The following CACNA2D1 variants were observed in gnomAD, a reference collection of about 807,000 sequenced individuals.
The protein encoded by CACNA2D1 is voltage-dependent calcium channel subunit alpha-2/delta-1.
In CACNA2D1, 53 loss-of-function variants were observed where a neutral mutation model predicts 171.5. The observed-to-expected ratio is 0.31, with a 90% CI of 0.25 to 0.39. The LOEUF is 0.39. Ranked by LOEUF, CACNA2D1 falls within the 10% of genes least tolerant of loss-of-function variation. The pLI, the probability that CACNA2D1 is intolerant of heterozygous loss-of-function variation, is 1.00. For synonymous variants in CACNA2D1, 442 were observed against 443.1 expected, an observed-to-expected ratio of 1.00 and a Z score of 0.03; for missense variants, 903 against 1,299.8, an observed-to-expected ratio of 0.69 and a Z score of 4.69.
intron 11 of CACNA2D1, among the ~76,000 whole-genome samples, chr7:82,033,615 C>T (rs960791962): frequency 2.0e-5 from 3 of 151,962 alleles, no homozygotes; most frequent in South Asian, 2.1e-4. Context: ...AATGCTGATA[C>T]CTATTCCCAG....
intron 20 of CACNA2D1, among the ~76,000 whole-genome samples, chr7:81,993,097 TA>T (rs1452864736): frequency 6.6e-6 from 1 of 152,210 alleles, no homozygotes; most frequent in Non-Finnish European, 1.5e-5. Flanking sequence ...ATATGTGCAT[TA>T]AAAATTTGAT....
At chr7:82,182,893 C>T (rs1285671806) in intron 3 of CACNA2D1, among the ~76,000 whole-genome samples, 1 of 151,760 alleles carries the variant, frequency 6.6e-6, no homozygotes, top group East Asian at 1.9e-4. Flanking sequence ...GAAAATTAGC[C>T]GGGTATGGTG....
At chr7:82,212,284 C>G (rs554568830) in intron 3 of CACNA2D1, among the ~76,000 whole-genome samples, 20 of 152,162 alleles carry the variant, frequency 1.3e-4, no homozygotes, top group Non-Finnish European at 2.8e-4. Context: ...GAATTTCAGA[C>G]ATAAAATGAA....
intron 6 of CACNA2D1, among the ~76,000 whole-genome samples, chr7:82,096,634 G>GTTA (rs1308004522): frequency 9.3e-6 from 1 of 107,792 alleles, no homozygotes; most frequent in African/African-American, 3.4e-5. Flanking sequence ...TCAACATGAT[G>GTTA]GTATGATCTA....
intron 3 of CACNA2D1, among the ~76,000 whole-genome samples, chr7:82,322,001 CT>C (rs1266711007): frequency 6.7e-6 from 1 of 149,318 alleles, no homozygotes; most frequent in African/African-American, 2.4e-5. Context: ...TGGCGGGCGC[CT>C]GTAGTCCCAG....
chr7:82,079,216 A>T (rs1159289577), intron 7 of CACNA2D1, among the ~76,000 whole-genome samples: 1 of 152,202 alleles, frequency 6.6e-6, no homozygotes, highest in African/African-American at 2.4e-5. Flanking sequence ...TATGCTCCAA[A>T]CAGATTTAAT....
chr7:82,434,263 G>A (rs980204771), intron 1 of CACNA2D1, among the ~76,000 whole-genome samples: 8 of 152,160 alleles, frequency 5.3e-5, no homozygotes, highest in Non-Finnish European at 8.8e-5. Context: ...TTCTCTTTTT[G>A]GTTTAAGATA....
At chr7:82,410,481 C>G (rs1220808099) in intron 1 of CACNA2D1, 1 of 984,082 alleles carries the variant, frequency 1.0e-6, no homozygotes, top group African/African-American at 1.7e-5. Context: ...CGCATGTTAA[C>G]AGGCAGTAGA....
intron 17 of CACNA2D1, 111 bp downstream of exon 17, chr7:82,005,654 T>TC (rs1220369244): frequency 4.9e-5 from 45 of 912,318 alleles, no homozygotes; most frequent in South Asian, 4.7e-4. Context: ...ACCATTTAGT[T>TC]CCTTTGCTAA....
intron 12 of CACNA2D1, chr7:82,021,000 G>A (rs974392231): frequency 6.6e-6 from 1 of 152,086 alleles, no homozygotes; most frequent in Non-Finnish European, 1.5e-5. Flanking sequence ...TTACCTGTGG[G>A]TGTATGACAT....
Position 82,321,821 on chromosome 7 carries a change from C to G in CACNA2D1, c.294+13314G>C, listed in dbSNP as rs189407189. Among the ~76,000 whole-genome samples the G allele has an allele frequency of 2.0e-5, 3 of 152,208 alleles. No individual in the cohort carries two copies. The East Asian group carries it at 5.8e-4, about 30-fold the overall frequency. ...AGACAAGGACACAGATGTTAGGAAT[C>G]ATTTCTTAAAAAACAAGCTAAGTGG... On this transcript the variant is annotated intron_variant, in intron 3 of 38. Transcript: ENST00000356860.
intron 31 of CACNA2D1, among the ~76,000 whole-genome samples, chr7:81,965,992 T>A (rs1328326138): frequency 6.6e-6 from 1 of 151,654 alleles, no homozygotes; most frequent in Non-Finnish European, 1.5e-5. Flanking sequence ...AGAAAATTAT[T>A]TAATAATGAG....
intron 1 of CACNA2D1, among the ~76,000 whole-genome samples, chr7:82,398,615 T>C (rs564899811): frequency 8.6e-5 from 13 of 151,808 alleles, no homozygotes; most frequent in Non-Finnish European, 1.9e-4. Flanking sequence ...TCTTGCTCAG[T>C]TGTCCAGGCT....
chr7:82,174,084 A>G (rs1382828312), intron 3 of CACNA2D1, among the ~76,000 whole-genome samples: 2 of 150,670 alleles, frequency 1.3e-5, no homozygotes, highest in African/African-American at 4.9e-5. Flanking sequence ...AAAATACCCA[A>G]TAAAATGTGA....
chr7:82,269,138 C>T (rs556591269), intron 3 of CACNA2D1, among the ~76,000 whole-genome samples: 3 of 152,314 alleles, frequency 2.0e-5, no homozygotes, highest in South Asian at 4.1e-4. Context: ...CCCATCGCCT[C>T]TATTTGCAGA....
At chr7:82,102,394 T>C (rs1212220547) in intron 6 of CACNA2D1, among the ~76,000 whole-genome samples, 1 of 150,204 alleles carries the variant, frequency 6.7e-6, no homozygotes, top group Non-Finnish European at 1.5e-5. Flanking sequence ...GATAAGTAAA[T>C]GAATAATATT....
At chr7:82,321,697 C>T (rs2041047) in intron 3 of CACNA2D1, among the ~76,000 whole-genome samples, 44,048 of 151,944 alleles carry the variant, frequency 0.29, 6,578 homozygotes, top group Non-Finnish European at 0.32. Context: ...TCCCCAACGC[C>T]CCCCATGCAC....
intron 18 of CACNA2D1, 49 bp from the exon 19 acceptor site, chr7:81,997,299 T>C (rs962021649): frequency 8.5e-7 from 1 of 1,171,138 alleles, no homozygotes; most frequent in Non-Finnish European, 1.3e-6. Flanking sequence ...TATACAATGA[T>C]GCTGTGTATA....
At chr7:82,169,683 C>T (rs1795819417) in intron 4 of CACNA2D1, among the ~76,000 whole-genome samples, 3 of 151,962 alleles carry the variant, frequency 2.0e-5, no homozygotes, top group African/African-American at 4.8e-5. Context: ...ATTAAGCTGT[C>T]GCTCACATTC....
Sources: allele counts gnomAD v4.1 joint callset (sites outside exome capture counted in the v4.1 genomes callset), GRCh38; gene constraint gnomAD v4.1.1; transcripts MANE v1.5; gene names NCBI Gene and HGNC (gene_info 2026-07-23, HGNC 2026-07-21).